The following ABCA13 variants were observed in gnomAD, a reference collection of about 807,000 sequenced individuals.
The protein encoded by ABCA13 is ATP-binding cassette sub-family A member 13.
Under a neutral mutation model 478.7 loss-of-function variants are expected in ABCA13, and 476 were observed. That is an observed-to-expected ratio of 0.99 (90% CI 0.92 to 1.07). The LOEUF is 1.07. ABCA13 is among the 50% of genes least tolerant of loss of function. The pLI, the probability that ABCA13 is intolerant of heterozygous loss-of-function variation, is 0.00. For missense variants in ABCA13, 6,060 were observed against 5,910.6 expected (o/e 1.03, Z -0.83); for synonymous variants, 2,252 against 2,158.9 (o/e 1.04, Z -1.20).
intron 3 of ABCA13, among the ~76,000 whole-genome samples, chr7:48,214,968 G>A (rs906140809): frequency 3.3e-5 from 5 of 152,092 alleles, no homozygotes; most frequent in Non-Finnish European, 7.4e-5. Flanking sequence ...AAAAGTCCTA[G>A]CTTTCAGCCC....
intron 39 of ABCA13, among the ~76,000 whole-genome samples, chr7:48,406,057 A>G (rs1398638947): frequency 6.6e-6 from 1 of 152,188 alleles, no homozygotes. Flanking sequence ...GCAGAAACAA[A>G]CACTTCCTTC....
chr7:48,201,377 C>T (rs1172597909), intron 3 of ABCA13, among the ~76,000 whole-genome samples: 2 of 152,266 alleles, frequency 1.3e-5, no homozygotes, highest in East Asian at 3.9e-4. Context: ...GTTACGCTCT[C>T]GGGCATAAAG....
Position 48,273,041 on chromosome 7 carries a change from A to G in ABCA13, c.3375A>G (p.Ala1125=), listed in dbSNP as rs753312755. The G allele has an allele frequency of 1.9e-6, 3 of 1,613,628 alleles. No individual in the cohort carries two copies. In the Admixed American group the frequency reaches 5.0e-5, roughly 27 times the overall value. The change falls in exon 17 of 62, where the codon GCA becomes GCG. Residue 1125 remains alanine, a synonymous_variant. Coordinates refer to ENST00000435803, the MANE Select transcript of ABCA13 (RefSeq NM_152701.5). The part of the protein sequence containing the change: ...SEESSFVFPL[A]QIFSNLSANV... Reference sequence around the variant, plus strand: ...AGTCTTCATTTGTTTTTCCATTGGCACAAATTTTTTCAAACCTCTCAGCAA... The same window carrying G: ...AGTCTTCATTTGTTTTTCCATTGGCGCAAATTTTTTCAAACCTCTCAGCAA...
intron 36 of ABCA13, among the ~76,000 whole-genome samples, 160 bp from the exon 37 acceptor site, chr7:48,388,880 G>A (rs1815600513): frequency 6.6e-6 from 1 of 152,096 alleles, no homozygotes; most frequent in South Asian, 2.1e-4. Flanking sequence ...CCATTATATA[G>A]TCTGCTTCTT....
At chr7:48,557,829 T>C (rs551930588) in intron 55 of ABCA13, among the ~76,000 whole-genome samples, 34 of 152,316 alleles carry the variant, frequency 2.2e-4, no homozygotes, top group African/African-American at 7.7e-4. Flanking sequence ...ACTTAAATGT[T>C]GATATCCTTC....
At chr7:48,244,440 T>C (rs748359581) in intron 10 of ABCA13, 136 bp from the exon 11 acceptor site, 40 of 1,062,354 alleles carry the variant, frequency 3.8e-5, no homozygotes, top group Admixed American at 8.0e-5. Context: ...GGTTGTGTGA[T>C]GAAGTGTGAC....
chr7:48,478,851 T>G (rs757707876), intron 45 of ABCA13, among the ~76,000 whole-genome samples: 1 of 152,072 alleles, frequency 6.6e-6, no homozygotes, highest in African/African-American at 2.4e-5. Flanking sequence ...TAGCTCAGCA[T>G]GTGAAAGCAC....
At chr7:48,642,518 A>G (rs1257549073) in intron 59 of ABCA13, among the ~76,000 whole-genome samples, 1 of 152,184 alleles carries the variant, frequency 6.6e-6, no homozygotes, top group Non-Finnish European at 1.5e-5. Context: ...AAATGGACAG[A>G]GATTTTAGTC....
At chr7:48,364,236 AG>A in intron 31 of ABCA13, among the ~76,000 whole-genome samples, 1 of 152,282 alleles carries the variant, frequency 6.6e-6, no homozygotes, top group African/African-American at 2.4e-5. Context: ...CCCTGGAAAT[AG>A]GGTCTAGGAG....
intron 6 of ABCA13, among the ~76,000 whole-genome samples, chr7:48,228,717 T>C (rs1389217661): frequency 6.6e-6 from 1 of 152,244 alleles, no homozygotes; most frequent in Non-Finnish European, 1.5e-5. Context: ...TGAAGATCTA[T>C]TTGTCAATGT....
rs190853894 is a variant in ABCA13 at position 48,521,713 on chromosome 7, A to G, written c.14051+1419A>G. On this transcript the variant is annotated intron_variant, in intron 53 of 61. Coordinates refer to ENST00000435803, the MANE Select transcript of ABCA13 (RefSeq NM_152701.5). ...TTCTTTAAAGAGAAAAATCTGTATT[A>G]CCTTTACTTTCTAGAGTTGTAAGTA... Among the ~76,000 whole-genome samples, 236 of 152,242 alleles carry G rather than the reference A, an allele frequency of 1.6e-3. 3 individuals carry two copies. The highest frequency in any genetic ancestry group is 1.4e-3 in the Non-Finnish European group (92 of 67,996).
chr7:48,261,477 T>C (rs1353443652), intron 15 of ABCA13, among the ~76,000 whole-genome samples: 3 of 151,904 alleles, frequency 2.0e-5, no homozygotes, highest in Non-Finnish European at 4.4e-5. Context: ...CTTGTTTTTT[T>C]CTTTCTAGAA....
intron 47 of ABCA13, among the ~76,000 whole-genome samples, chr7:48,483,544 G>A (rs190175724): frequency 6.3e-4 from 96 of 152,342 alleles, no homozygotes; most frequent in Non-Finnish European, 1.2e-3. Context: ...GATAGGCCTG[G>A]AGATGACACA....
chr7:48,644,589 CT>C (rs71006572), intron 60 of ABCA13, 27 bp from the exon 61 acceptor site: 307,439 of 1,392,644 alleles, frequency 0.22, 4,298 homozygotes, highest in African/African-American at 0.28. Flanking sequence ...TTATATGATA[CT>C]TTTTTTTTTT....
At chr7:48,434,919 C>A (rs1822628272) in intron 42 of ABCA13, among the ~76,000 whole-genome samples, 1 of 151,680 alleles carries the variant, frequency 6.6e-6, no homozygotes. Flanking sequence ...TTTGTAGTAA[C>A]CTTTGAAATC....
chr7:48,513,622 C>T lies in ABCA13; in HGVS notation c.13640+2423C>T, dbSNP rs187308527. 1.3e-3 allele frequency among the ~76,000 whole-genome samples: 205 copies of T among 152,154 alleles called. 1 individual carries two copies. Among genetic ancestry groups the T allele is most frequent in the Non-Finnish European group, 1.2e-3 (84 of 68,000 alleles). On this transcript the variant is annotated intron_variant, in intron 51 of 61. Transcript: ENST00000435803. The stretch of plus-strand genomic sequence containing the variant: ...TTTCAAAAGGGGAATTTTCTTCCGC[C>T]ATAAATTCCATGATGTTGTGAACAG...
chr7:48,421,474 A>G (rs1820732998), intron 41 of ABCA13, among the ~76,000 whole-genome samples: 1 of 152,222 alleles, frequency 6.6e-6, no homozygotes, highest in South Asian at 2.1e-4. Flanking sequence ...CAGTAGGGTC[A>G]TTATTTACTT....
intron 44 of ABCA13, among the ~76,000 whole-genome samples, chr7:48,469,338 GAA>G (rs1305981157): frequency 6.6e-6 from 1 of 152,174 alleles, no homozygotes; most frequent in African/African-American, 2.4e-5. Context: ...CTGTAAAGAG[GAA>G]AGTTGAGGCC....
intron 54 of ABCA13, among the ~76,000 whole-genome samples, chr7:48,525,080 T>C (rs1402566768): frequency 6.6e-6 from 1 of 152,178 alleles, no homozygotes; most frequent in Non-Finnish European, 1.5e-5. Context: ...ATAGGTTATA[T>C]TGTTATCTGA....
Sources: allele counts gnomAD v4.1 joint callset (sites outside exome capture counted in the v4.1 genomes callset), GRCh38; gene constraint gnomAD v4.1.1; transcripts MANE v1.5; gene names NCBI Gene and HGNC (gene_info 2026-07-23, HGNC 2026-07-21).